IRAG2: variants seen among roughly 807,000 people sequenced by gnomAD.
IRAG2 encodes the protein lymphoid restricted membrane protein.
IRAG2 carries 45 observed loss-of-function variants against 69.9 expected under a neutral mutation model. The ratio of observed to expected loss-of-function variants is 0.64; its 90% CI spans 0.51 to 0.83. The LOEUF is 0.83. IRAG2 is among the 40% of genes least tolerant of loss of function. The probability of loss-of-function intolerance (pLI) is 0.00; values close to 1 mark genes in which losing one functional copy is unlikely to be tolerated. For missense variants in IRAG2, 520 were observed against 587.0 expected (o/e 0.89, Z 1.18); for synonymous variants, 193 against 202.4 (o/e 0.95, Z 0.40).
exon 1 of IRAG2, chr12:25,004,831 G>T: frequency 8.1e-7 from 1 of 1,232,044 alleles, no homozygotes; most frequent in South Asian, 4.1e-5. Flanking sequence ...CTTAACACTT[G>T]ACTTTGATTC....
intron 3 of IRAG2, chr12:25,015,088 G>A (rs548454667): frequency 2.4e-4 from 12 of 50,896 alleles, no homozygotes; most frequent in East Asian, 7.6e-4. Flanking sequence ...GCATAAATCT[G>A]AAAAAAAAAA....
exon 6 of IRAG2, chr12:25,017,219 G>C: frequency 4.9e-6 from 6 of 1,232,110 alleles, no homozygotes; most frequent in Non-Finnish European, 6.1e-6. Context: ...GTTTAAGTTG[G>C]CTTTAGAAAC....
intron 3 of IRAG2, among the ~76,000 whole-genome samples, chr12:25,012,700 C>T (rs972108424): frequency 2.6e-5 from 4 of 152,070 alleles, no homozygotes; most frequent in Admixed American, 1.3e-4. Flanking sequence ...TGGTGGTTCA[C>T]GCCTGTGATC....
chr12:25,012,214 ATGCAATCTCTGCTCAC>A (rs1944481899), intron 3 of IRAG2, among the ~76,000 whole-genome samples: 1 of 124,072 alleles, frequency 8.1e-6, no homozygotes, highest in Non-Finnish European at 1.6e-5. Context: ...GAATACAGTG[ATGCAATCTCTGCTCAC>A]TGCAACCGCT....
At chr12:25,061,700 C>A (rs1462225894) in intron 2 of IRAG2, 47 bp downstream of exon 2, 3 of 398,166 alleles carry the variant, frequency 7.5e-6, no homozygotes, top group African/African-American at 6.2e-5. Flanking sequence ...GGAAGTTGTT[C>A]AATTCATGTA....
intron 16 of IRAG2, among the ~76,000 whole-genome samples, chr12:25,043,022 G>C (rs1944763264): frequency 6.7e-6 from 1 of 148,696 alleles, no homozygotes; most frequent in Non-Finnish European, 1.5e-5. Context: ...AAAAAGAAGA[G>C]GAATGATTCC....
intron 16 of IRAG2, among the ~76,000 whole-genome samples, chr12:25,045,203 T>G (rs1455448991): frequency 6.6e-6 from 1 of 151,666 alleles, no homozygotes; most frequent in Non-Finnish European, 1.5e-5. Context: ...TTGAGACAAA[T>G]GAAAACAAAA....
chr12:25,034,430 G>A (rs1944690179), intron 13 of IRAG2, among the ~76,000 whole-genome samples: 1 of 152,154 alleles, frequency 6.6e-6, no homozygotes, highest in Non-Finnish European at 1.5e-5. Flanking sequence ...ACAGAAACTA[G>A]CATTTTCTTA....
chr12:25,052,732 C>T lies in IRAG2; in HGVS notation c.-671C>T. ...GTTTTGCCTGCATCATAAGAGTGAG[C>T]ACTCCATTGCTTTCTTTCCTGGCCA... On this transcript the variant is annotated 5_prime_UTR_variant, in exon 1 of 22. Coordinates refer to ENST00000556887, the MANE Select transcript of IRAG2 (RefSeq NM_001366544.2). 2.5e-6 allele frequency: 1 copy of T among 398,488 alleles called. No homozygotes were observed. The highest frequency in any genetic ancestry group is 4.4e-5 in the Admixed American group (1 of 22,740). The allele number at this position is 398,488 out of a possible 1,614,324, so 24.7% of individuals were successfully genotyped here.
At chr12:25,005,083 A>C (rs1944420669) in intron 1 of IRAG2, among the ~76,000 whole-genome samples, 1 of 152,124 alleles carries the variant, frequency 6.6e-6, no homozygotes, top group Non-Finnish European at 1.5e-5. Flanking sequence ...ACAGAACGTC[A>C]TGATGGGAAT....
At chr12:25,089,319 T>C (rs1328483404) in intron 11 of IRAG2, among the ~76,000 whole-genome samples, 1 of 152,190 alleles carries the variant, frequency 6.6e-6, no homozygotes, top group Non-Finnish European at 1.5e-5. Context: ...TGGGATCAAG[T>C]ATAGCAAACA....
At chr12:25,057,339 G>A (rs1945330711) in intron 1 of IRAG2, among the ~76,000 whole-genome samples, 1 of 134,522 alleles carries the variant, frequency 7.4e-6, no homozygotes, top group South Asian at 2.4e-4. Flanking sequence ...GCTCACTGTA[G>A]CCTCAACCTC....
At chr12:25,058,273 AT>A (rs901905199) in intron 1 of IRAG2, among the ~76,000 whole-genome samples, 1 of 152,280 alleles carries the variant, frequency 6.6e-6, no homozygotes, top group Admixed American at 6.5e-5. Flanking sequence ...AATCTTTGTC[AT>A]TTTAGCCACT....
intron 10 of IRAG2, among the ~76,000 whole-genome samples, chr12:25,086,724 A>G (rs780032567): frequency 2.0e-5 from 3 of 152,204 alleles, no homozygotes; most frequent in Non-Finnish European, 4.4e-5. Context: ...GAAAGGATGT[A>G]TAGATAATTT....
chr12:25,068,711 A>G (rs1456529414), intron 5 of IRAG2, among the ~76,000 whole-genome samples: 1 of 152,170 alleles, frequency 6.6e-6, no homozygotes, highest in African/African-American at 2.4e-5. Context: ...AAACACTCCT[A>G]TCACTCGGGA....
At chr12:25,011,575 C>A in intron 3 of IRAG2, 1 of 1,199,698 alleles carries the variant, frequency 8.3e-7, no homozygotes, top group Non-Finnish European at 1.0e-6. Flanking sequence ...TAGTGGGATG[C>A]AGTTTAAGGT....
rs1245413890 is a variant in IRAG2 at position 25,026,733 on chromosome 12, T to C, written c.1384-56T>C. 3 of 828,966 alleles carry C rather than the reference T, an allele frequency of 3.6e-6. No individual in the cohort carries two copies. In the African/African-American group the frequency reaches 5.3e-5, roughly 15 times the overall value. 51.4% of individuals were successfully genotyped at this position (828,966 alleles called of 1,614,324 possible). A position where few individuals can be genotyped will look rare whatever the true frequency, so the allele number is the denominator to read the frequency against. ...CACCTCCTAAAAGAGACTTTGTTTGTCCTCATCTTTTATTTTTCTTGGTGC... is the reference window on the plus strand; with the variant it reads ...CACCTCCTAAAAGAGACTTTGTTTGCCCTCATCTTTTATTTTTCTTGGTGC... On this transcript the variant is annotated intron_variant, in intron 8 of 38. Coordinates refer to the IRAG2 transcript ENST00000636465.
At chr12:25,073,983 A>C (rs770037288) in intron 6 of IRAG2, among the ~76,000 whole-genome samples, 4 of 152,226 alleles carry the variant, frequency 2.6e-5, no homozygotes, top group Non-Finnish European at 5.9e-5. Context: ...AATTTTTCCT[A>C]GTAATGCTCT....
exon 1 of IRAG2, chr12:25,004,747 T>C: frequency 4.1e-6 from 5 of 1,232,162 alleles, no homozygotes; most frequent in Non-Finnish European, 5.1e-6. Flanking sequence ...ATCTTTGATG[T>C]CACAGATCAG....
Sources: gnomAD v4.1 joint callset for allele counts (sites outside exome capture counted in the v4.1 genomes callset) on GRCh38, gnomAD v4.1.1 for gene constraint, MANE v1.5 for transcripts, NCBI Gene and HGNC (gene_info 2026-07-23, HGNC 2026-07-21) for gene names.